RIMS2: variants seen among roughly 807,000 people sequenced by gnomAD.
The protein encoded by RIMS2 is regulating synaptic membrane exocytosis 2.
In RIMS2, 59 loss-of-function variants were observed where a neutral mutation model predicts 174.4. That is an observed-to-expected ratio of 0.34 (90% CI 0.27 to 0.42). The LOEUF is 0.42. RIMS2 is among the 10% of genes least tolerant of loss of function. The pLI is 1.00. For synonymous variants in RIMS2, 606 were observed against 572.5 expected (o/e 1.06, Z -0.84); for missense variants, 1,620 against 1,666.3 (o/e 0.97, Z 0.48).
At chr8:103,655,468 A>T (rs1157607753) in intron 1 of RIMS2, among the ~76,000 whole-genome samples, 2 of 59,666 alleles carry the variant, frequency 3.4e-5, no homozygotes, top group African/African-American at 1.4e-4. Context: ...AAGGTAATTA[A>T]AAAAAGTTTC....
intron 3 of RIMS2, among the ~76,000 whole-genome samples, chr8:103,829,961 A>G (rs76160057): frequency 0.16 from 23,802 of 152,196 alleles, 1,963 homozygotes; most frequent in Middle Eastern, 0.24. Context: ...TTTATGTTCA[A>G]TCTTTCTCAA....
chr8:104,104,057 A>G (rs768127147), intron 19 of RIMS2, among the ~76,000 whole-genome samples: 1 of 152,196 alleles, frequency 6.6e-6, no homozygotes, highest in Non-Finnish European at 1.5e-5. Context: ...AGCTGGATAA[A>G]CTGGCTTGAA....
At position 103,800,676 on chromosome 8, in the gene RIMS2, C is replaced by T. The variant is rs569416210; in HGVS notation, c.698+34139C>T. 2.0e-5 allele frequency among the ~76,000 whole-genome samples: 3 copies of T among 152,238 alleles called. No homozygotes were observed. In the South Asian group the frequency reaches 6.2e-4, roughly 32 times the overall value. ...GCATCAACCTTGCATTTCTGGGATACTCCTCTTGGTCATGATGGTATTATT... is the reference window on the plus strand; with the variant it reads ...GCATCAACCTTGCATTTCTGGGATATTCCTCTTGGTCATGATGGTATTATT... On this transcript the variant is annotated intron_variant, in intron 3 of 23. Transcript: ENST00000504942.
intron 14 of RIMS2, among the ~76,000 whole-genome samples, chr8:103,954,232 C>T (rs150597133): frequency 6.6e-6 from 1 of 152,238 alleles, no homozygotes; most frequent in African/African-American, 2.4e-5. Context: ...AGGACTTGAA[C>T]CCAACTCTGA....
At chr8:103,905,171 A>G (rs536063041) in intron 4 of RIMS2, among the ~76,000 whole-genome samples, 42 of 152,150 alleles carry the variant, frequency 2.8e-4, no homozygotes, top group Non-Finnish European at 1.6e-4. Context: ...AAGAAAACCC[A>G]TATTTTTGTT....
intron 6 of RIMS2, 47 bp from the exon 10 acceptor site, chr8:103,915,448 C>A: frequency 8.8e-7 from 1 of 1,134,188 alleles, no homozygotes; most frequent in Non-Finnish European, 1.3e-6. Flanking sequence ...TTCAACCATG[C>A]TCATTTTAAC....
intron 3 of RIMS2, among the ~76,000 whole-genome samples, chr8:103,807,905 TA>T (rs1157753438): frequency 2.0e-5 from 3 of 152,184 alleles, no homozygotes; most frequent in Non-Finnish European, 4.4e-5. Context: ...TTTAAGTTGA[TA>T]AGATTAGATT....
At chr8:104,137,500 T>A (rs1278120174) in intron 19 of RIMS2, among the ~76,000 whole-genome samples, 1 of 152,224 alleles carries the variant, frequency 6.6e-6, no homozygotes, top group Non-Finnish European at 1.5e-5. Context: ...ACCTACAATT[T>A]ACCAATGAAC....
At chr8:103,664,678 G>A (rs1170891773) in intron 1 of RIMS2, among the ~76,000 whole-genome samples, 1 of 152,158 alleles carries the variant, frequency 6.6e-6, no homozygotes, top group Non-Finnish European at 1.5e-5. Flanking sequence ...ACTGTTGGTG[G>A]GAGTGTAAAT....
At chr8:103,586,586 T>C (rs1430902746) in intron 1 of RIMS2, among the ~76,000 whole-genome samples, 3 of 152,114 alleles carry the variant, frequency 2.0e-5, no homozygotes, top group Non-Finnish European at 2.9e-5. Flanking sequence ...ACCTTTGGAA[T>C]GCAGCAACAG....
Position 103,538,393 on chromosome 8 carries a change from C to A in RIMS2, c.176+37331C>A, listed in dbSNP as rs540922119. Reference sequence around the variant, plus strand: ...CGGTATTTGGTTACATGAGTAAGTTCTTTCCTGGAGATTTGTGAGAACCTG... The same window carrying A: ...CGGTATTTGGTTACATGAGTAAGTTATTTCCTGGAGATTTGTGAGAACCTG... On this transcript the variant is annotated intron_variant, in intron 1 of 23. Transcript: ENST00000504942. Among the ~76,000 whole-genome samples, 12 of 152,078 alleles carry A rather than the reference C, an allele frequency of 7.9e-5. No homozygotes were observed. The South Asian group carries it at 2.1e-3, about 26-fold the overall frequency.
intron 17 of RIMS2, among the ~76,000 whole-genome samples, chr8:103,994,706 G>A (rs966710897): frequency 2.0e-5 from 3 of 152,056 alleles, no homozygotes; most frequent in Non-Finnish European, 4.4e-5. Context: ...TTTGTATAAT[G>A]TTCATGCATG....
chr8:104,181,107 G>T (rs1416351309), intron 19 of RIMS2, among the ~76,000 whole-genome samples: 1 of 151,630 alleles, frequency 6.6e-6, no homozygotes. Flanking sequence ...TTTCTTAATT[G>T]CAGGACTTCA....
intron 1 of RIMS2, among the ~76,000 whole-genome samples, chr8:103,563,031 C>T (rs1044408866): frequency 6.6e-6 from 1 of 152,140 alleles, no homozygotes; most frequent in Admixed American, 6.5e-5. Flanking sequence ...GGACCAAGGG[C>T]CTGGCCCACA....
At chr8:103,609,846 G>A (rs2095305269) in intron 1 of RIMS2, among the ~76,000 whole-genome samples, 1 of 152,090 alleles carries the variant, frequency 6.6e-6, no homozygotes, top group Non-Finnish European at 1.5e-5. Context: ...TTTTTAAATA[G>A]TTTTTTTCTA....
chr8:103,834,674 CTTT>C (rs1554867087), intron 3 of RIMS2, among the ~76,000 whole-genome samples: 1 of 113,852 alleles, frequency 8.8e-6, no homozygotes, highest in Admixed American at 8.2e-5. Flanking sequence ...CCTCTGAGGT[CTTT>C]TTCTTTCTTT....
intron 16 of RIMS2, among the ~76,000 whole-genome samples, chr8:103,984,896 G>T (rs2094219962): frequency 6.6e-6 from 1 of 152,176 alleles, no homozygotes; most frequent in Admixed American, 6.5e-5. Flanking sequence ...AACATGGATG[G>T]AACTGGAGGT....
chr8:103,914,222 T>G (rs1595053698), intron 6 of RIMS2, among the ~76,000 whole-genome samples: 1 of 152,136 alleles, frequency 6.6e-6, no homozygotes, highest in East Asian at 1.9e-4. Context: ...AGCAAAATAG[T>G]GAGACCCTTT....
chr8:103,942,653 C>T, intron 13 of RIMS2, 120 bp from the exon 16 acceptor site: 3 of 701,828 alleles, frequency 4.3e-6, no homozygotes, highest in African/African-American at 3.6e-5. Flanking sequence ...TCTAAATGAC[C>T]TTGTTTTTCA....
Sources: allele counts gnomAD v4.1 joint callset (sites outside exome capture counted in the v4.1 genomes callset), GRCh38; gene constraint gnomAD v4.1.1; transcripts MANE v1.5; gene names NCBI Gene and HGNC (gene_info 2026-07-23, HGNC 2026-07-21).